The following HNRNPLL variants were observed in gnomAD, a reference collection of about 807,000 sequenced individuals.
The protein encoded by HNRNPLL is heterogeneous nuclear ribonucleoprotein L like.
HNRNPLL carries 25 observed loss-of-function variants against 67.1 expected under a neutral mutation model. The ratio of observed to expected loss-of-function variants is 0.37; its 90% CI spans 0.27 to 0.52. HNRNPLL has a LOEUF of 0.52. Ranked by LOEUF, HNRNPLL falls within the 20% of genes least tolerant of loss-of-function variation. The probability of loss-of-function intolerance (pLI) is 0.90; values close to 1 mark genes in which losing one functional copy is unlikely to be tolerated. For missense variants in HNRNPLL, 542 were observed against 673.9 expected, an observed-to-expected ratio of 0.80 and a Z score of 2.17; for synonymous variants, 267 against 241.7, an observed-to-expected ratio of 1.10 and a Z score of -0.97.
intron 7 of HNRNPLL, among the ~76,000 whole-genome samples, chr2:38,574,049 A>T (rs1666202727): frequency 6.6e-6 from 1 of 151,968 alleles, no homozygotes; most frequent in Non-Finnish European, 1.5e-5. Context: ...CAGTATCAAG[A>T]ACCCAGAAGG....
At chr2:38,573,113 G>A in intron 8 of HNRNPLL, 97 bp downstream of exon 8, 1 of 760,764 alleles carries the variant, frequency 1.3e-6, no homozygotes. Context: ...AAAGAATTTG[G>A]ATATTCCTGA....
intron 1 of HNRNPLL, among the ~76,000 whole-genome samples, chr2:38,595,845 A>G (rs1667168194): frequency 6.6e-6 from 1 of 151,958 alleles, no homozygotes; most frequent in Non-Finnish European, 1.5e-5. Context: ...CTCCGTCTCA[A>G]AAAAAAAGGG....
intron 1 of HNRNPLL, among the ~76,000 whole-genome samples, chr2:38,592,704 C>CAT (rs1482492183): frequency 1.3e-5 from 2 of 152,200 alleles, no homozygotes; most frequent in Non-Finnish European, 2.9e-5. Flanking sequence ...TTTACTTATT[C>CAT]AAGTTCCATT....
intron 2 of HNRNPLL, among the ~76,000 whole-genome samples, chr2:38,588,600 G>T (rs955291730): frequency 6.8e-6 from 1 of 147,420 alleles, no homozygotes; most frequent in Non-Finnish European, 1.5e-5. Context: ...AAAAGTGAGG[G>T]TTACCCAGAA....
At chr2:38,592,813 G>GA (rs1667016097) in intron 1 of HNRNPLL, among the ~76,000 whole-genome samples, 1 of 152,144 alleles carries the variant, frequency 6.6e-6, no homozygotes, top group African/African-American at 2.4e-5. Flanking sequence ...TATACAAAAA[G>GA]AAATTTTTTA....
intron 10 of HNRNPLL, among the ~76,000 whole-genome samples, chr2:38,568,895 T>G (rs1160360461): frequency 3.3e-5 from 5 of 152,124 alleles, no homozygotes; most frequent in African/African-American, 1.2e-4. Flanking sequence ...AGGATTAAGA[T>G]GACCTCATTC....
intron 1 of HNRNPLL, 48 bp downstream of exon 1, chr2:38,602,389 TC>T (rs1667478573): frequency 1.3e-6 from 2 of 1,529,504 alleles, no homozygotes; most frequent in Non-Finnish European, 1.8e-6. Context: ...AGGCCCTGCT[TC>T]CCGGGGAGCA....
At position 38,582,090 on chromosome 2, in the gene HNRNPLL, T is replaced by C. The variant is rs779387651; in HGVS notation, c.711A>G (p.Leu237=). Residue 237 remains leucine (L), a synonymous_variant, in exon 5 of 13, where the codon CTA becomes CTG. Transcript: ENST00000449105. ...TATTTACCCGTGCATATTCAATTTT[T>C]AGTGTGCAACATCCAGCATATATAT... ...GADIYAGCCT[L]KIEYARPTRL... is the part of the protein sequence containing the mutation. 2 of 1,613,602 alleles carry C rather than the reference T, an allele frequency of 1.2e-6. No homozygotes were observed. The highest frequency in any genetic ancestry group is 1.7e-6 in the Non-Finnish European group (2 of 1,179,516).
intron 12 of HNRNPLL, 65 bp from the exon 13 acceptor site, chr2:38,564,302 C>CA: frequency 1.2e-6 from 1 of 850,852 alleles, no homozygotes; most frequent in Non-Finnish European, 2.0e-6. Flanking sequence ...CTTGAAGTAT[C>CA]AGAGTAAATT....
In HNRNPLL at chr2:38,602,503, G is replaced by T; in HGVS notation, c.124C>A (p.Arg42Ser). 6.5e-7 allele frequency: 1 copy of T among 1,548,886 alleles called. No individual in the cohort carries two copies. ...CCGCCCCGGGGCGTCGCTTCCCGGC[G>T]GTTCTCGCCTTCCTCGGCCGAGTAG... is the stretch of plus-strand genomic sequence containing the variant. ...IDYSAEEGEN[R>S]REATPRGGGD... The change falls in exon 1 of 13, where the codon CGC becomes AGC. Residue 42 changes from arginine (R) to serine (S), a missense_variant. Around this residue, in one of 2 missense-constraint regions of HNRNPLL, gnomAD observed 127 missense variants for 98.7 expected, o/e 1.29. Transcript: ENST00000449105.
In HNRNPLL at chr2:38,585,260, T is replaced by A. The variant is rs183813266; in HGVS notation, c.546+384A>T. On this transcript the variant is annotated intron_variant, in intron 3 of 12. Coordinates refer to ENST00000449105, the MANE Select transcript of HNRNPLL (RefSeq NM_138394.4). The stretch of plus-strand genomic sequence containing the variant: ...CAAGCTATTGCAAAATAGTTCATAA[T>A]GATATGTGCATCTTACCATAACATG... Among the ~76,000 whole-genome samples, 114 of 152,342 alleles carry A rather than the reference T, an allele frequency of 7.5e-4. 1 individual carries two copies. The highest frequency in any genetic ancestry group is 1.2e-3 in the Non-Finnish European group (81 of 68,020).
intron 2 of HNRNPLL, among the ~76,000 whole-genome samples, chr2:38,588,731 T>C (rs548562600): frequency 1.0e-3 from 157 of 152,224 alleles, no homozygotes; most frequent in Non-Finnish European, 1.8e-3. Flanking sequence ...AAATTGTTTT[T>C]TGAAAATCTT....
At chr2:38,580,346 C>T (rs994712246) in intron 6 of HNRNPLL, among the ~76,000 whole-genome samples, 9 of 152,126 alleles carry the variant, frequency 5.9e-5, no homozygotes, top group African/African-American at 1.9e-4. Flanking sequence ...GCCAAAGCTG[C>T]ATTACAAAAC....
In HNRNPLL at chr2:38,602,636, C is replaced by A. The variant is rs898151551; in HGVS notation, c.-10G>T. ...AAGAGGAGGAGGACATGGCGGCGGC[C>A]GGAGGGACCGGCTGGCAGGCGGGTG... On this transcript the variant is annotated 5_prime_UTR_variant, in exon 1 of 13. Coordinates refer to ENST00000449105, the MANE Select transcript of HNRNPLL (RefSeq NM_138394.4). 6.7e-7 allele frequency: 1 copy of A among 1,489,326 alleles called. No homozygotes were observed. Among genetic ancestry groups the A allele is most frequent in the Admixed American group, 2.4e-5 (1 of 41,438 alleles). 92.3% of individuals were successfully genotyped at this position (1,489,326 alleles called of 1,614,324 possible).
intron 8 of HNRNPLL, among the ~76,000 whole-genome samples, chr2:38,570,665 G>T (rs1666043177): frequency 2.0e-5 from 3 of 152,118 alleles, no homozygotes; most frequent in Admixed American, 1.3e-4. Flanking sequence ...TAGCCCTTGG[G>T]AAATCCCTAA....
At chr2:38,575,455 C>G (rs1190373827) in intron 7 of HNRNPLL, among the ~76,000 whole-genome samples, 1 of 151,800 alleles carries the variant, frequency 6.6e-6, no homozygotes, top group Non-Finnish European at 1.5e-5. Flanking sequence ...TACACAAACT[C>G]TTCTTGAGCT....
At chr2:38,583,811 C>T (rs1297277356) in intron 4 of HNRNPLL, 30 bp downstream of exon 4, 2 of 1,029,180 alleles carry the variant, frequency 1.9e-6, no homozygotes, top group African/African-American at 1.6e-5. Flanking sequence ...ATGAATTACA[C>T]ATCAATAAAA....
chr2:38,566,502 G>A (rs901128851), intron 12 of HNRNPLL, among the ~76,000 whole-genome samples: 4 of 151,880 alleles, frequency 2.6e-5, no homozygotes, highest in African/African-American at 9.7e-5. Context: ...TATCATACTG[G>A]TAAAAATTGA....
intron 10 of HNRNPLL, 85 bp from the exon 11 acceptor site, chr2:38,568,528 T>G: frequency 1.2e-6 from 1 of 825,258 alleles, no homozygotes; most frequent in Admixed American, 2.6e-5. Flanking sequence ...ATGGCAGAAT[T>G]TAAGTTTTAA....
Sources: allele counts gnomAD v4.1 joint callset (sites outside exome capture counted in the v4.1 genomes callset), GRCh38; gene constraint gnomAD v4.1.1; regional missense constraint gnomAD v4.1.1; transcripts MANE v1.5; gene names NCBI Gene and HGNC (gene_info 2026-07-23, HGNC 2026-07-21).